RANBP2: variants seen among roughly 807,000 people sequenced by gnomAD.
RANBP2 encodes E3 SUMO-protein ligase RanBP2.
Under a neutral mutation model 303.6 loss-of-function variants are expected in RANBP2, and 57 were observed. The observed-to-expected ratio is 0.19, with a 90% CI of 0.15 to 0.23. The LOEUF (loss-of-function observed/expected upper bound fraction) is 0.23. Among genes scored for constraint, RANBP2 ranks in the 10% least tolerant of loss-of-function variants. RANBP2 has a pLI of 1.00. For synonymous variants in RANBP2, 1,167 were observed against 1,301.5 expected, an observed-to-expected ratio of 0.90 and a Z score of 2.23; for missense variants, 3,138 against 3,780.8, an observed-to-expected ratio of 0.83 and a Z score of 4.46.
the RANBP2 span, among the ~76,000 whole-genome samples, chr2:109,247,299 A>G: frequency 3.3e-5 from 5 of 152,234 alleles, no homozygotes; most frequent in East Asian, 9.7e-4. Context: ...GGCTTTCAAG[A>G]GCTTTCTTGA....
At chr2:109,681,120 G>A in the RANBP2 span, among the ~76,000 whole-genome samples, 3 of 152,318 alleles carry the variant, frequency 2.0e-5, no homozygotes, top group East Asian at 1.9e-4. Context: ...CAGTCTTCTC[G>A]ATGCGGAGGA....
At chr2:109,479,903 TC>T in the RANBP2 span, among the ~76,000 whole-genome samples, 1 of 152,158 alleles carries the variant, frequency 6.6e-6, no homozygotes, top group East Asian at 1.9e-4. Context: ...CACGAGGATC[TC>T]CCTGGAGCTC....
At chr2:109,295,297 C>T in the RANBP2 span, among the ~76,000 whole-genome samples, 1 of 152,198 alleles carries the variant, frequency 6.6e-6, no homozygotes, top group Admixed American at 6.5e-5. Context: ...CTTGTCATCC[C>T]CAATTTGTAG....
the RANBP2 span, among the ~76,000 whole-genome samples, chr2:108,914,069 T>A: frequency 1.3e-5 from 2 of 151,784 alleles, no homozygotes; most frequent in Non-Finnish European, 2.9e-5. Context: ...AAGACTAGCC[T>A]GGCCAACCTG....
At chr2:109,014,398 C>G in the RANBP2 span, among the ~76,000 whole-genome samples, 2 of 152,226 alleles carry the variant, frequency 1.3e-5, no homozygotes, top group South Asian at 2.1e-4. Context: ...TTCTTCTTCT[C>G]TCAGCTTGAA....
the RANBP2 span, among the ~76,000 whole-genome samples, chr2:109,332,643 A>G: frequency 2.0e-5 from 3 of 152,178 alleles, no homozygotes; most frequent in Non-Finnish European, 4.4e-5. Flanking sequence ...TGGGTGGAAC[A>G]TCCTCTAATT....
At chr2:109,358,075 CA>C in the RANBP2 span, among the ~76,000 whole-genome samples, 1 of 152,228 alleles carries the variant, frequency 6.6e-6, no homozygotes, top group East Asian at 1.9e-4. Flanking sequence ...CCACCCCTGG[CA>C]ACCACTGACC....
At chr2:108,906,260 T>C in the RANBP2 span, 1 of 1,599,252 alleles carries the variant, frequency 6.3e-7, no homozygotes, top group Non-Finnish European at 8.6e-7. Flanking sequence ...CAGCCCTTCA[T>C]GTCGGTGGGG....
the RANBP2 span, among the ~76,000 whole-genome samples, chr2:109,681,769 T>G: frequency 1.3e-5 from 2 of 152,224 alleles, no homozygotes; most frequent in African/African-American, 4.8e-5. Context: ...CACAGCCTGA[T>G]CTGTGTGTGT....
chr2:109,537,361 T>G, the RANBP2 span, among the ~76,000 whole-genome samples: 11 of 152,216 alleles, frequency 7.2e-5, no homozygotes, highest in Non-Finnish European at 8.8e-5. Context: ...TTTCCTAATA[T>G]TAAAACCACC....
At chr2:109,588,109 CAA>C in the RANBP2 span, among the ~76,000 whole-genome samples, 1,044 of 142,798 alleles carry the variant, frequency 7.3e-3, 7 homozygotes, top group Non-Finnish European at 0.012. Flanking sequence ...TGCCCCCCGC[CAA>C]AAAAAAAAGA....
chr2:108,831,419 T>G, the RANBP2 span, among the ~76,000 whole-genome samples: 7 of 152,206 alleles, frequency 4.6e-5, 1 homozygote, highest in Admixed American at 4.6e-4. Flanking sequence ...TAAGAAAAAG[T>G]ACTTTTTTAT....
chr2:109,210,273 C>T, the RANBP2 span, among the ~76,000 whole-genome samples: 28 of 152,214 alleles, frequency 1.8e-4, no homozygotes, highest in Admixed American at 1.8e-3. Flanking sequence ...TGTAGGTGTA[C>T]AAACATCTGT....
At chr2:108,929,420 C>T in the RANBP2 span, 22 of 1,603,288 alleles carry the variant, frequency 1.4e-5, no homozygotes, top group Non-Finnish European at 1.8e-5. Context: ...GTGAGTGCAG[C>T]AGCCAAACCA....
At chr2:108,973,394 G>A in the RANBP2 span, among the ~76,000 whole-genome samples, 642 of 152,290 alleles carry the variant, frequency 4.2e-3, 1 homozygote, top group African/African-American at 0.014. Context: ...GAGAGTGTCC[G>A]CCATCAGCCC....
chr2:108,753,626 C>A, intron 14 of RANBP2, 63 bp downstream of exon 14: 1 of 1,591,944 alleles, frequency 6.3e-7, no homozygotes, highest in South Asian at 1.2e-5. Context: ...TTTTAAAAGA[C>A]GGGGTTTCTC....
At chr2:109,522,824 C>CA in the RANBP2 span, among the ~76,000 whole-genome samples, 1 of 152,216 alleles carries the variant, frequency 6.6e-6, no homozygotes, top group Non-Finnish European at 1.5e-5. Flanking sequence ...CAATCAGCAG[C>CA]ACCTGCCCAG....
At chr2:108,804,185 G>T in the RANBP2 span, among the ~76,000 whole-genome samples, 119 of 152,076 alleles carry the variant, frequency 7.8e-4, no homozygotes, top group Admixed American at 2.0e-3. Flanking sequence ...TCAATTTTTT[G>T]ATTTCCTGTA....
At chr2:109,545,801 A>AT in the RANBP2 span, 1 of 1,424,528 alleles carries the variant, frequency 7.0e-7, no homozygotes, top group Non-Finnish European at 9.1e-7. Flanking sequence ...ACTGTGATGT[A>AT]TTTTTATTTT....
Sources: gnomAD v4.1 joint callset for allele counts (sites outside exome capture counted in the v4.1 genomes callset) on GRCh38, gnomAD v4.1.1 for gene constraint, MANE v1.5 for transcripts, NCBI Gene and HGNC (gene_info 2026-07-23, HGNC 2026-07-21) for gene names.